Variants in CERT1 observed in about 807,000 individuals in gnomAD.
The protein encoded by CERT1 is ceramide transporter 1, also known as ceramide transfer protein.
Under a neutral mutation model 87.9 loss-of-function variants are expected in CERT1, and 31 were observed. The ratio of observed to expected loss-of-function variants is 0.35; its 90% CI spans 0.27 to 0.48. CERT1 has a LOEUF of 0.48. Among genes scored for constraint, CERT1 ranks in the 20% least tolerant of loss-of-function variants. The probability of loss-of-function intolerance (pLI) is 0.99; values close to 1 mark genes in which losing one functional copy is unlikely to be tolerated. For synonymous variants in CERT1, 289 were observed against 250.9 expected (o/e 1.15, Z -1.44); for missense variants, 487 against 758.0 (o/e 0.64, Z 4.20).
intron 8 of CERT1, 69 bp downstream of exon 8, chr5:75,410,942 T>G: frequency 1.3e-6 from 1 of 781,664 alleles, no homozygotes; most frequent in Non-Finnish European, 2.1e-6. Flanking sequence ...ACAAGAGTAT[T>G]ATTAAAAAAT....
intron 8 of CERT1, among the ~76,000 whole-genome samples, chr5:75,404,291 T>TAAAAAAAA (rs11349407): frequency 1.4e-3 from 114 of 84,008 alleles, no homozygotes; most frequent in African/African-American, 4.5e-3. Flanking sequence ...ACCTACTTCA[T>TAAAAAAAA]AAAAAAAAAA....
At chr5:75,394,180 G>A (rs1762153180) in intron 11 of CERT1, among the ~76,000 whole-genome samples, 1 of 152,146 alleles carries the variant, frequency 6.6e-6, no homozygotes, top group South Asian at 2.1e-4. Context: ...GGGAATGTAA[G>A]CTGGTTCAAC....
intron 11 of CERT1, among the ~76,000 whole-genome samples, chr5:75,396,763 C>G (rs1463929309): frequency 6.6e-6 from 1 of 151,118 alleles, no homozygotes; most frequent in Non-Finnish European, 1.5e-5. Flanking sequence ...CAGAAAAGAC[C>G]GATGCAATGT....
chr5:75,470,566 C>T (rs1020617968), intron 2 of CERT1, among the ~76,000 whole-genome samples: 1 of 152,184 alleles, frequency 6.6e-6, no homozygotes, highest in African/African-American at 2.4e-5. Context: ...CAAAATTCAA[C>T]ATCCTTTCAT....
rs11438163 is a variant in CERT1 at position 75,478,909 on chromosome 5, T to TAAAAAAAAAAAAAAAAAAAAAAAA, written c.232-19752_232-19729dup. 9.2e-5 allele frequency among the ~76,000 whole-genome samples: 2 copies of TAAAAAAAAAAAAAAAAAAAAAAAA among 21,748 alleles called. 1 individual carries two copies. Among genetic ancestry groups the TAAAAAAAAAAAAAAAAAAAAAAAA allele is most frequent in the African/African-American group, 4.1e-4 (2 of 4,858 alleles). The allele number at this position is 21,748 out of a possible 152,430, so 14.3% of individuals were successfully genotyped here. ...AAATCTTGAGCTTGAAAGTAAGTAC[T>TAAAAAAAAAAAAAAAAAAAAAAAA]AAAAAAAAAAAAAAAAAAAAAAAAA... On this transcript the variant is annotated intron_variant, in intron 2 of 16. Coordinates refer to ENST00000643780, the MANE Select transcript of CERT1 (RefSeq NM_001379029.1).
At chr5:75,422,195 T>C (rs1763411048) in intron 5 of CERT1, among the ~76,000 whole-genome samples, 1 of 152,138 alleles carries the variant, frequency 6.6e-6, no homozygotes, top group Admixed American at 6.5e-5. Flanking sequence ...CTCCCCGAGA[T>C]GATTACAGTA....
intron 12 of CERT1, among the ~76,000 whole-genome samples, chr5:75,387,692 A>G (rs1761855019): frequency 1.3e-5 from 2 of 151,950 alleles, no homozygotes; most frequent in Admixed American, 1.3e-4. Flanking sequence ...CGATAAGCCA[A>G]GATCATGCCA....
intron 9 of CERT1, 163 bp downstream of exon 9, chr5:75,402,809 A>G: frequency 3.9e-6 from 2 of 510,786 alleles, no homozygotes; most frequent in South Asian, 5.8e-5. Flanking sequence ...CAAAAAAAAA[A>G]AAAAAGATTA....
At chr5:75,422,540 C>CT (rs1763427355) in intron 5 of CERT1, among the ~76,000 whole-genome samples, 1 of 152,150 alleles carries the variant, frequency 6.6e-6, no homozygotes, top group African/African-American at 2.4e-5. Flanking sequence ...CTGCTTGGGC[C>CT]TGGGGGGCGG....
Position 75,511,368 on chromosome 5 carries a change from C to G in CERT1, c.-161G>C. 1.3e-6 allele frequency: 2 copies of G among 1,546,140 alleles called. No homozygotes were observed. Among genetic ancestry groups the G allele is most frequent in the South Asian group, 2.4e-5 (2 of 83,928 alleles). ...GAGGGACGAAGTCCGCCCGCCGCGCCGCCGCCGCGCCTGACACCGAGCGGA... is the reference window on the plus strand; with the variant it reads ...GAGGGACGAAGTCCGCCCGCCGCGCGGCCGCCGCGCCTGACACCGAGCGGA... On this transcript the variant is annotated 5_prime_UTR_variant, in exon 1 of 17. Transcript: ENST00000643780.
chr5:75,423,515 G>A (rs1452758973), intron 5 of CERT1, among the ~76,000 whole-genome samples: 1 of 152,150 alleles, frequency 6.6e-6, no homozygotes, highest in Non-Finnish European at 1.5e-5. Context: ...TGAGGTGGGA[G>A]AATCCCTTGA....
At chr5:75,399,684 T>C (rs1262970601) in intron 10 of CERT1, among the ~76,000 whole-genome samples, 1 of 152,220 alleles carries the variant, frequency 6.6e-6, no homozygotes, top group African/African-American at 2.4e-5. Context: ...CCACTCCTTA[T>C]TTGCCCACCC....
chr5:75,432,937 C>T (rs1763935580), intron 3 of CERT1, among the ~76,000 whole-genome samples: 1 of 152,184 alleles, frequency 6.6e-6, no homozygotes, highest in Non-Finnish European at 1.5e-5. Context: ...TATACTAGCA[C>T]CATGTATTAA....
chr5:75,448,778 C>A (rs1000045289), intron 3 of CERT1, among the ~76,000 whole-genome samples: 1 of 152,130 alleles, frequency 6.6e-6, no homozygotes, highest in Non-Finnish European at 1.5e-5. Context: ...GGGCATTGTA[C>A]AGAAATAACT....
chr5:75,511,128 C>A lies in CERT1; in HGVS notation c.80G>T (p.Cys27Phe), dbSNP rs1767963053. 6.3e-7 allele frequency: 1 copy of A among 1,595,948 alleles called. No individual in the cohort carries two copies. Among genetic ancestry groups the A allele is most frequent in the Non-Finnish European group, 8.5e-7 (1 of 1,171,056 alleles). ...ETESGPPVER[C>F]GVLSKWTNYI... is the part of the protein sequence containing the mutation. The stretch of plus-strand genomic sequence containing the variant: ...GTTGCTCACCTTACTGAGGACCCCG[C>A]AGCGCTCCACAGGCGGCCCAGACTC... The change falls in exon 1 of 17, where the codon TGC (cysteine) becomes TTC (phenylalanine). Residue 27 changes from cysteine (C) to phenylalanine (F), a missense_variant. Coordinates refer to ENST00000643780, the MANE Select transcript of CERT1 (RefSeq NM_001379029.1).
At chr5:75,404,405 G>A (rs568569486) in intron 8 of CERT1, among the ~76,000 whole-genome samples, 2 of 151,870 alleles carry the variant, frequency 1.3e-5, no homozygotes, top group Admixed American at 1.3e-4. Context: ...TGACCATCTG[G>A]GACAAGAGGG....
intron 3 of CERT1, among the ~76,000 whole-genome samples, chr5:75,441,692 G>A (rs868581091): frequency 1.3e-5 from 2 of 152,118 alleles, no homozygotes; most frequent in Non-Finnish European, 2.9e-5. Context: ...TTGGTGACTG[G>A]CTTCACTTAG....
chr5:75,374,764 T>A, downstream of CERT1: 1 of 551,950 alleles, frequency 1.8e-6, no homozygotes, highest in South Asian at 1.4e-5. Flanking sequence ...CACCCCAATT[T>A]AGACCTGCGG....
chr5:75,491,823 A>G (rs1222171970), intron 2 of CERT1, among the ~76,000 whole-genome samples: 1 of 152,202 alleles, frequency 6.6e-6, no homozygotes, highest in Non-Finnish European at 1.5e-5. Flanking sequence ...GCGGCTTACC[A>G]CAAGCCTACC....
Sources: gnomAD v4.1 joint callset for allele counts (sites outside exome capture counted in the v4.1 genomes callset) on GRCh38, gnomAD v4.1.1 for gene constraint, MANE v1.5 for transcripts, NCBI Gene and HGNC (gene_info 2026-07-23, HGNC 2026-07-21) for gene names.